ZNF169: variants seen among roughly 807,000 people sequenced by gnomAD.
ZNF169 encodes zinc finger protein 169.
ZNF169 carries 11 observed loss-of-function variants against 12.0 expected under a neutral mutation model. The ratio of observed to expected loss-of-function variants is 0.92; its 90% CI spans 0.58 to 1.52. The LOEUF is 1.52. Ranked by LOEUF, ZNF169 falls within the 40% of genes most tolerant of loss-of-function variation. The probability of loss-of-function intolerance (pLI) is 0.00; values close to 1 mark genes in which losing one functional copy is unlikely to be tolerated. For missense variants in ZNF169, 722 were observed against 744.0 expected, an observed-to-expected ratio of 0.97 and a Z score of 0.34; for synonymous variants, 302 against 286.5, an observed-to-expected ratio of 1.05 and a Z score of -0.55.
At chr9:94,279,920 A>G (rs1830597608) in intron 2 of ZNF169, among the ~76,000 whole-genome samples, 1 of 152,208 alleles carries the variant, frequency 6.6e-6, no homozygotes, top group Non-Finnish European at 1.5e-5. Flanking sequence ...CTGAAAATAG[A>G]TTATTCTCCA....
At chr9:94,281,514 G>T (rs1830630797) in intron 2 of ZNF169, among the ~76,000 whole-genome samples, 1 of 152,172 alleles carries the variant, frequency 6.6e-6, no homozygotes, top group Admixed American at 6.6e-5. Context: ...CCAAGGTTGA[G>T]GATTGTCAAC....
Position 94,272,995 on chromosome 9 carries a change from T to G in ZNF169, c.-55-5763T>G, listed in dbSNP as rs1830449857. 6.6e-5 allele frequency among the ~76,000 whole-genome samples: 10 copies of G among 152,290 alleles called. No individual in the cohort carries two copies. The South Asian group carries it at 1.9e-3, about 28-fold the overall frequency. On this transcript the variant is annotated intron_variant, in intron 1 of 4. Transcript: ENST00000395395. ...GTAATTTGTGATGTTGAACATCTTT[T>G]CATATGGTTCTTGGCTATTTCTATA...
chr9:94,260,812 ATTTTTTT>A (rs561717345), intron 1 of ZNF169, among the ~76,000 whole-genome samples: 2 of 70,082 alleles, frequency 2.9e-5, no homozygotes, highest in Non-Finnish European at 6.1e-5. Flanking sequence ...CCAAACCTAC[ATTTTTTT>A]TTTTTTTTTT....
chr9:94,300,784 A>T lies in ZNF169; in HGVS notation c.1226A>T (p.His409Leu). 1 of 1,612,220 alleles carries T rather than the reference A, an allele frequency of 6.2e-7. No individual in the cohort carries two copies. Among genetic ancestry groups the T allele is most frequent in the African/African-American group, 1.3e-5 (1 of 74,306 alleles). The change falls in exon 5 of 5, where the codon CAC becomes CTC. Residue 409 changes from histidine to leucine, a missense_variant. Coordinates refer to ENST00000395395, the MANE Select transcript of ZNF169 (RefSeq NM_194320.4). ...CCTTATGTCTGTGCTGAGTGTGGGC[A>T]CAGCTTTCGCCAAAAGGTCACTCTC... is the stretch of plus-strand genomic sequence containing the variant. ...EKPYVCAECGHSFRQKVTLIR... is the reference protein window; with the variant it reads ...EKPYVCAECGLSFRQKVTLIR...
At chr9:94,296,682 G>A (rs943087064) in intron 4 of ZNF169, 2 of 416,426 alleles carry the variant, frequency 4.8e-6, no homozygotes, top group African/African-American at 4.3e-5. Context: ...ATATGTGATA[G>A]GTCTATACCT....
At chr9:94,271,060 A>G (rs1269473785) in intron 1 of ZNF169, among the ~76,000 whole-genome samples, 1 of 123,470 alleles carries the variant, frequency 8.1e-6, no homozygotes, top group Non-Finnish European at 1.6e-5. Flanking sequence ...ATATATATAT[A>G]TTTGCAACTA....
At chr9:94,266,128 T>C (rs1830288236) in intron 1 of ZNF169, among the ~76,000 whole-genome samples, 1 of 151,984 alleles carries the variant, frequency 6.6e-6, no homozygotes, top group Admixed American at 6.6e-5. Context: ...TTGTCATGCT[T>C]TAAGGCTCAG....
intron 2 of ZNF169, among the ~76,000 whole-genome samples, chr9:94,282,653 T>C (rs745396587): frequency 3.9e-5 from 6 of 152,280 alleles, no homozygotes; most frequent in Non-Finnish European, 8.8e-5. Context: ...AGCTTAGTGA[T>C]TTGGGCGCCC....
intron 1 of ZNF169, among the ~76,000 whole-genome samples, chr9:94,277,338 G>A (rs1295529911): frequency 6.6e-6 from 1 of 152,112 alleles, no homozygotes; most frequent in Non-Finnish European, 1.5e-5. Flanking sequence ...TTAAAAGGCT[G>A]CCTGGCTCTT....
In ZNF169 at chr9:94,301,065, C is replaced by A. The variant is rs139392933; in HGVS notation, c.1507C>A (p.Arg503=). The change falls in exon 5 of 5, where the codon CGA becomes AGA. Residue 503 remains arginine, a synonymous_variant. Transcript: ENST00000395395. ...RAFGFKSLLT[R]HQRTHSEEEL... is the part of the protein sequence containing the mutation. ...ATTTGGCTTTAAGTCGCTCCTCACC[C>A]GACACCAGAGGACACACTCAGAGGA... 1 of 1,613,416 alleles carries A rather than the reference C, an allele frequency of 6.2e-7. No homozygotes were observed.
rs552979889 is a variant in ZNF169, at chr9:94,293,202, A to G, written c.256+133A>G. The G allele has an allele frequency of 1.7e-4, 135 of 795,404 alleles. No individual in the cohort carries two copies. The East Asian group carries it at 3.6e-3, about 21-fold the overall frequency. The allele number at this position is 795,404 out of a possible 1,614,324, so 49.3% of individuals were successfully genotyped here. ...CTCCTAGGCCACTGGTAAAGGCTGC[A>G]TGGCACTGCCTGCCTTCCACACTGT... On this transcript the variant is annotated intron_variant, in intron 4 of 4. Coordinates refer to ENST00000395395, the MANE Select transcript of ZNF169 (RefSeq NM_194320.4).
In ZNF169 at chr9:94,300,057, C is replaced by T; in HGVS notation, c.499C>T (p.Pro167Ser). The T allele has an allele frequency of 1.9e-6, 3 of 1,614,036 alleles. No individual in the cohort carries two copies. Among genetic ancestry groups the T allele is most frequent in the Non-Finnish European group, 2.5e-6 (3 of 1,180,008 alleles). The change falls in exon 5 of 5, where the codon CCA becomes TCA. Residue 167 changes from proline (P) to serine (S), a missense_variant. Coordinates refer to ENST00000395395, the MANE Select transcript of ZNF169 (RefSeq NM_194320.4). ...CAGAATTTCTAGGACATTCTTCAGC[C>T]CACATCAAGGTGACCCAGTAGAATG... Reference protein sequence around the residue: ...PSRISRTFFSPHQGDPVEWVE... With the variant: ...PSRISRTFFSSHQGDPVEWVE...
At chr9:94,260,812 A>ATTTTT (rs561717345) in intron 1 of ZNF169, among the ~76,000 whole-genome samples, 12 of 70,084 alleles carry the variant, frequency 1.7e-4, no homozygotes, top group African/African-American at 4.3e-4. Context: ...CCAAACCTAC[A>ATTTTT]TTTTTTTTTT....
chr9:94,288,401 T>C, intron 2 of ZNF169: 1 of 1,251,230 alleles, frequency 8.0e-7, no homozygotes, highest in African/African-American at 1.4e-5. Flanking sequence ...ACTTTGGTAT[T>C]CTCAGTGTTG....
rs1831060915 is a variant in ZNF169 at position 94,301,027 on chromosome 9, A to C, written c.1469A>C (p.Lys490Thr). The change falls in exon 5 of 5, where the codon AAG (lysine) becomes ACG (threonine). Residue 490 changes from lysine to threonine, a missense_variant. Lys to Thr is a moderately conservative substitution (Grantham distance 78, BLOSUM62 -1). Coordinates refer to ENST00000395395, the MANE Select transcript of ZNF169 (RefSeq NM_194320.4). ...GGGGAGAAGCCTTATCTGTGCCCCA[A>C]GTGTGGGCGTGCATTTGGCTTTAAG... ...HTGEKPYLCP[K>T]CGRAFGFKSL... The C allele has an allele frequency of 1.2e-6, 2 of 1,613,966 alleles. No individual in the cohort carries two copies. The highest frequency in any genetic ancestry group is 4.5e-5 in the East Asian group (2 of 44,852).
intron 1 of ZNF169, among the ~76,000 whole-genome samples, chr9:94,263,473 T>C (rs184470620): frequency 6.6e-6 from 1 of 152,298 alleles, no homozygotes; most frequent in Non-Finnish European, 1.5e-5. Flanking sequence ...ACCTATGTCT[T>C]TATATTTAAA....
At chr9:94,299,308 G>C (rs932524916) in intron 4 of ZNF169, 2 of 400,946 alleles carry the variant, frequency 5.0e-6, no homozygotes, top group African/African-American at 2.1e-5. Context: ...AGTATCTCTT[G>C]CTACAGCTTA....
chr9:94,297,831 G>A (rs924634790), intron 4 of ZNF169, among the ~76,000 whole-genome samples: 3 of 152,072 alleles, frequency 2.0e-5, no homozygotes, highest in South Asian at 2.1e-4. Context: ...CTTGCTATGG[G>A]TTGCTACTTG....
At position 94,278,862 on chromosome 9, in the gene ZNF169, C is replaced by T. The variant is rs1397703102; in HGVS notation, c.33+17C>T. The T allele has an allele frequency of 1.9e-6, 3 of 1,613,578 alleles. No individual in the cohort carries two copies. The highest frequency in any genetic ancestry group is 1.1e-5 in the South Asian group (1 of 90,956). ...AGGAAGGAGGTAAGTCCTGAAATTT[C>T]TTCCTAGCTATTGCAGGAAGGTTTC... is the stretch of plus-strand genomic sequence containing the variant. On this transcript the variant is annotated intron_variant, in intron 2 of 4. Transcript: ENST00000395395.
Sources: allele counts gnomAD v4.1 joint callset (sites outside exome capture counted in the v4.1 genomes callset), GRCh38; gene constraint gnomAD v4.1.1; transcripts MANE v1.5; gene names NCBI Gene and HGNC (gene_info 2026-07-23, HGNC 2026-07-21).